NUBPL: variants seen among roughly 807,000 people sequenced by gnomAD.
The protein encoded by NUBPL is iron-sulfur cluster transfer protein NUBPL.
In NUBPL, 31 loss-of-function variants were observed where a neutral mutation model predicts 45.7. The observed-to-expected ratio is 0.68, with a 90% CI of 0.51 to 0.92. The LOEUF (loss-of-function observed/expected upper bound fraction) is 0.92, where lower values mean the gene tolerates loss of function less well. Among genes scored for constraint, NUBPL ranks in the 40% least tolerant of loss-of-function variants. The probability of loss-of-function intolerance (pLI) is 0.00; values close to 1 mark genes in which losing one functional copy is unlikely to be tolerated. For synonymous variants in NUBPL, 144 were observed against 140.9 expected (o/e 1.02, Z -0.15); for missense variants, 401 against 398.7 (o/e 1.01, Z -0.05).
intron 6 of NUBPL, among the ~76,000 whole-genome samples, chr14:31,735,504 A>G (rs2038145431): frequency 6.6e-6 from 1 of 152,198 alleles, no homozygotes; most frequent in African/African-American, 2.4e-5. Context: ...TCTGCTTCTT[A>G]AATGTTTCCC....
chr14:31,622,773 A>G (rs2035099906), intron 4 of NUBPL, among the ~76,000 whole-genome samples: 1 of 152,238 alleles, frequency 6.6e-6, no homozygotes, highest in African/African-American at 2.4e-5. Context: ...AAATGCCTGG[A>G]TGTCCAGGCA....
In NUBPL at chr14:31,834,236, A is replaced by C. The variant is rs1189239937; in HGVS notation, c.693+7522A>C. 2.4e-5 allele frequency among the ~76,000 whole-genome samples: 3 copies of C among 126,108 alleles called. No homozygotes were observed. In the East Asian group the frequency reaches 7.3e-4, roughly 31 times the overall value. The allele number at this position is 126,108 out of a possible 152,430, so 82.7% of individuals were successfully genotyped here. A position where few individuals can be genotyped will look rare whatever the true frequency, so the allele number is the denominator to read the frequency against. The stretch of plus-strand genomic sequence containing the variant: ...TTGCTCTGTCGCCAGGCTGGAGTGC[A>C]GTGGTGTAATCTTGGCTCACTGCAA... On this transcript the variant is annotated intron_variant, in intron 8 of 10. Transcript: ENST00000281081.
intron 6 of NUBPL, among the ~76,000 whole-genome samples, chr14:31,701,847 T>G (rs1228156563): frequency 2.0e-5 from 3 of 152,210 alleles, no homozygotes; most frequent in Non-Finnish European, 4.4e-5. Context: ...CCAGACACAA[T>G]AGTTTCACCT....
At chr14:31,824,590 G>A (rs1305968005) in intron 7 of NUBPL, among the ~76,000 whole-genome samples, 2 of 152,138 alleles carry the variant, frequency 1.3e-5, no homozygotes, top group Non-Finnish European at 2.9e-5. Flanking sequence ...TGAATTTACA[G>A]CTAACTACTA....
chr14:31,749,684 C>T (rs534270115), intron 6 of NUBPL, among the ~76,000 whole-genome samples: 3 of 151,972 alleles, frequency 2.0e-5, no homozygotes, highest in African/African-American at 7.2e-5. Flanking sequence ...TGGAGACTAC[C>T]TTTTTGGCTT....
chr14:31,624,651 G>A (rs576927228), intron 4 of NUBPL, among the ~76,000 whole-genome samples: 3 of 152,178 alleles, frequency 2.0e-5, no homozygotes, highest in Admixed American at 1.3e-4. Context: ...TGCAACCTCC[G>A]CCTCCTGAGT....
intron 4 of NUBPL, among the ~76,000 whole-genome samples, chr14:31,608,158 A>G (rs887503166): frequency 6.6e-6 from 1 of 152,200 alleles, no homozygotes; most frequent in Non-Finnish European, 1.5e-5. Context: ...TCCTTCAAGC[A>G]TCAAGAAGAA....
chr14:31,764,202 A>G (rs1369726147), intron 6 of NUBPL, among the ~76,000 whole-genome samples: 2 of 152,192 alleles, frequency 1.3e-5, no homozygotes, highest in East Asian at 1.9e-4. Context: ...AAATTAGAGT[A>G]CAAGCTTTAC....
At chr14:31,641,317 CT>C (rs2139700311) in intron 4 of NUBPL, among the ~76,000 whole-genome samples, 1 of 152,246 alleles carries the variant, frequency 6.6e-6, no homozygotes, top group Non-Finnish European at 1.5e-5. Flanking sequence ...TCATCACTCC[CT>C]TACCCCCTTT....
At chr14:31,711,674 A>G (rs1362012620) in intron 6 of NUBPL, among the ~76,000 whole-genome samples, 2 of 152,162 alleles carry the variant, frequency 1.3e-5, no homozygotes, top group African/African-American at 4.8e-5. Flanking sequence ...AGATGTGTCC[A>G]GAGTTTCTTC....
chr14:31,568,342 T>A (rs917491098), intron 3 of NUBPL, among the ~76,000 whole-genome samples: 1 of 152,096 alleles, frequency 6.6e-6, no homozygotes, highest in African/African-American at 2.4e-5. Flanking sequence ...ATTTCCTGTT[T>A]AGAAAAAAAA....
chr14:31,734,837 A>G (rs920534299), intron 6 of NUBPL, among the ~76,000 whole-genome samples: 11 of 152,158 alleles, frequency 7.2e-5, no homozygotes, highest in Admixed American at 3.9e-4. Context: ...TCTGCTAGCT[A>G]CTCCTCTTCT....
At chr14:31,634,669 C>T (rs1490507389) in intron 4 of NUBPL, among the ~76,000 whole-genome samples, 170 of 144,026 alleles carry the variant, frequency 1.2e-3, no homozygotes, top group African/African-American at 2.2e-3. Context: ...GCCACACTGA[C>T]TTCCACAATG....
chr14:31,564,891 T>C (rs1373465470), intron 2 of NUBPL, 123 bp from the exon 3 acceptor site: 2 of 619,750 alleles, frequency 3.2e-6, no homozygotes, highest in African/African-American at 3.7e-5. Context: ...ATGCTTAGGT[T>C]ATTACATGAA....
intron 3 of NUBPL, among the ~76,000 whole-genome samples, chr14:31,593,513 CAA>C (rs34026301): frequency 0.27 from 19,549 of 73,738 alleles, 912 homozygotes; most frequent in East Asian, 0.37. Context: ...GCTTCCGTCT[CAA>C]AAAAAAAAAA....
chr14:31,614,084 T>C (rs1359779194), intron 4 of NUBPL, among the ~76,000 whole-genome samples: 1 of 152,126 alleles, frequency 6.6e-6, no homozygotes. Context: ...TGGATGGGGC[T>C]TATGGGGGAT....
intron 6 of NUBPL, among the ~76,000 whole-genome samples, chr14:31,732,191 C>T (rs1287491378): frequency 6.8e-4 from 1 of 1,476 alleles, no homozygotes. Flanking sequence ...AAGACTCTGT[C>T]TCAAAAAAAA....
intron 8 of NUBPL, among the ~76,000 whole-genome samples, chr14:31,833,527 C>T (rs1333611897): frequency 2.0e-5 from 3 of 152,086 alleles, no homozygotes; most frequent in Non-Finnish European, 4.4e-5. Flanking sequence ...TTGAAATTTA[C>T]ATCATTTAAG....
At chr14:31,720,189 A>G (rs186399557) in intron 6 of NUBPL, among the ~76,000 whole-genome samples, 4 of 152,260 alleles carry the variant, frequency 2.6e-5, no homozygotes, top group Admixed American at 6.5e-5. Context: ...TATCTTTGAA[A>G]TCACTCTTAA....
Sources: gnomAD v4.1 joint callset for allele counts (sites outside exome capture counted in the v4.1 genomes callset) on GRCh38, gnomAD v4.1.1 for gene constraint, MANE v1.5 for transcripts, NCBI Gene and HGNC (gene_info 2026-07-23, HGNC 2026-07-21) for gene names.